MORC1: variants seen among roughly 807,000 people sequenced by gnomAD.
MORC1 encodes the protein MORC family CW-type zinc finger protein 1.
In MORC1, 59 loss-of-function variants were observed where a neutral mutation model predicts 134.9. That is an observed-to-expected ratio of 0.44 (90% CI 0.35 to 0.54). The LOEUF (loss-of-function observed/expected upper bound fraction) is 0.54. Ranked by LOEUF, MORC1 falls within the 20% of genes least tolerant of loss-of-function variation. The pLI is 0.00. For synonymous variants in MORC1, 395 were observed against 391.7 expected (o/e 1.01, Z -0.10); for missense variants, 947 against 1,134.5 (o/e 0.83, Z 2.37).
chr3:108,991,352 T>A (rs2593970), intron 21 of MORC1, among the ~76,000 whole-genome samples: 27,671 of 152,074 alleles, frequency 0.18, 3,081 homozygotes, highest in African/African-American at 0.32. Flanking sequence ...TAGAATATGT[T>A]CTATGTTTAA....
rs763175019 is a variant in MORC1 at position 108,958,796 on chromosome 3, G to T, written c.*169C>A. 1.1e-5 allele frequency: 4 copies of T among 352,212 alleles called. No individual in the cohort carries two copies. The highest frequency in any genetic ancestry group is 2.0e-5 in the Non-Finnish European group (4 of 197,966). 21.8% of individuals were successfully genotyped at this position (352,212 alleles called of 1,614,324 possible). On this transcript the variant is annotated 3_prime_UTR_variant, in exon 28 of 28. Coordinates refer to ENST00000232603, the MANE Select transcript of MORC1 (RefSeq NM_014429.4). ...TTAGGGAATACATAAATTGTAAATC[G>T]GTCTCCATTTCTAGAGTACACAATT...
At chr3:108,987,509 G>A (rs778771586) in intron 21 of MORC1, among the ~76,000 whole-genome samples, 6 of 152,128 alleles carry the variant, frequency 3.9e-5, no homozygotes, top group Non-Finnish European at 8.8e-5. Context: ...CAGAATCCCA[G>A]GCCAGTTGCC....
intron 20 of MORC1, among the ~76,000 whole-genome samples, chr3:109,001,875 T>C (rs1948413092): frequency 6.6e-6 from 1 of 152,234 alleles, no homozygotes; most frequent in Non-Finnish European, 1.5e-5. Context: ...TCAAATTATG[T>C]AAGCTGAACT....
intron 14 of MORC1, chr3:109,048,991 A>AT (rs1359310229): frequency 1.0e-5 from 2 of 195,838 alleles, no homozygotes; most frequent in African/African-American, 4.7e-5. Flanking sequence ...TATTGATAAT[A>AT]TTTTTAAGTA....
intron 8 of MORC1, among the ~76,000 whole-genome samples, chr3:109,080,977 T>C (rs1026440000): frequency 6.6e-6 from 1 of 152,146 alleles, no homozygotes; most frequent in African/African-American, 2.4e-5. Flanking sequence ...TTCATAAATA[T>C]AGATTTATTA....
At chr3:109,039,437 T>C (rs151221907) in intron 14 of MORC1, among the ~76,000 whole-genome samples, 2 of 152,294 alleles carry the variant, frequency 1.3e-5, no homozygotes, top group Admixed American at 6.5e-5. Flanking sequence ...CTAAAAACTA[T>C]AAAACTTGGA....
intron 3 of MORC1, among the ~76,000 whole-genome samples, chr3:109,108,368 A>C (rs1576753680): frequency 6.6e-6 from 1 of 152,148 alleles, no homozygotes; most frequent in South Asian, 2.1e-4. Flanking sequence ...CATTTGTTAT[A>C]TTTTGTGACT....
At chr3:109,027,689 A>T in intron 17 of MORC1, 62 bp downstream of exon 17, 1 of 1,596,904 alleles carries the variant, frequency 6.3e-7, no homozygotes, top group East Asian at 2.2e-5. Context: ...GTCAATTTGC[A>T]CATATGAAAC....
At chr3:109,013,423 C>A (rs1028484749) in intron 17 of MORC1, among the ~76,000 whole-genome samples, 1 of 152,182 alleles carries the variant, frequency 6.6e-6, no homozygotes, top group African/African-American at 2.4e-5. Context: ...ACAAAAAATA[C>A]TGCTTCTGCA....
intron 26 of MORC1, among the ~76,000 whole-genome samples, chr3:108,964,279 A>C (rs1203263486): frequency 6.6e-6 from 1 of 152,256 alleles, no homozygotes; most frequent in African/African-American, 2.4e-5. Context: ...CTTCAGTTTC[A>C]GAATGACATT....
chr3:109,068,596 C>T (rs1950249731), intron 9 of MORC1, among the ~76,000 whole-genome samples: 1 of 152,152 alleles, frequency 6.6e-6, no homozygotes, highest in Non-Finnish European at 1.5e-5. Context: ...ACCACAGTGT[C>T]TTTATCCACC....
intron 26 of MORC1, among the ~76,000 whole-genome samples, chr3:108,969,186 T>C (rs778354299): frequency 8.5e-5 from 13 of 152,176 alleles, no homozygotes; most frequent in Non-Finnish European, 1.8e-4. Context: ...TTGGAATGGC[T>C]TGAGGCTATG....
intron 14 of MORC1, chr3:109,049,083 T>C (rs1949759628): frequency 1.1e-6 from 1 of 935,880 alleles, no homozygotes; most frequent in Non-Finnish European, 1.3e-6. Flanking sequence ...CATCTGCAAA[T>C]AAACTTGTCT....
intron 14 of MORC1, among the ~76,000 whole-genome samples, chr3:109,044,156 G>A (rs577967727): frequency 6.6e-6 from 1 of 152,040 alleles, no homozygotes; most frequent in Non-Finnish European, 1.5e-5. Context: ...AAGTATCTGT[G>A]AGAAAAAAAC....
intron 14 of MORC1, among the ~76,000 whole-genome samples, chr3:109,044,705 G>A (rs1374976268): frequency 6.6e-6 from 1 of 152,068 alleles, no homozygotes; most frequent in African/African-American, 2.4e-5. Flanking sequence ...AGCACTTTGG[G>A]AAGCTGAGGT....
intron 17 of MORC1, among the ~76,000 whole-genome samples, chr3:109,012,936 T>A (rs1948730281): frequency 1.3e-5 from 2 of 152,204 alleles, no homozygotes; most frequent in Non-Finnish European, 2.9e-5. Context: ...TCTTGTACAA[T>A]GTGGAACTGG....
intron 23 of MORC1, among the ~76,000 whole-genome samples, chr3:108,982,635 C>T (rs1222724373): frequency 4.0e-5 from 6 of 148,948 alleles, no homozygotes; most frequent in Admixed American, 1.4e-4. Context: ...ACATAAATGA[C>T]GAGTTAATGG....
rs1948374445 is a variant in MORC1 at position 109,000,557 on chromosome 3, C to T, written c.2187G>A (p.Leu729=). Residue 729 remains leucine, a splice_region_variant and synonymous_variant, in exon 21 of 28, where the codon CTG becomes CTA. Transcript: ENST00000232603. ...DENTSDSDII[L]VSDKSNTDVS... Reference sequence around the variant, plus strand: ...TCATTTAGTGTATAGTTTATCTCACCAGGATTATATCTGAATCACTCGTGT... The same window carrying T: ...TCATTTAGTGTATAGTTTATCTCACTAGGATTATATCTGAATCACTCGTGT... 6.3e-7 allele frequency: 1 copy of T among 1,593,744 alleles called. No homozygotes were observed. Among genetic ancestry groups the T allele is most frequent in the African/African-American group, 1.3e-5 (1 of 74,196 alleles).
At chr3:109,091,934 C>T (rs746307795) in intron 8 of MORC1, among the ~76,000 whole-genome samples, 1 of 152,194 alleles carries the variant, frequency 6.6e-6, no homozygotes. Flanking sequence ...CTGGAAACAG[C>T]AAGAACATCT....
Sources: allele counts gnomAD v4.1 joint callset (sites outside exome capture counted in the v4.1 genomes callset), GRCh38; gene constraint gnomAD v4.1.1; transcripts MANE v1.5; gene names NCBI Gene and HGNC (gene_info 2026-07-23, HGNC 2026-07-21).